The following PNLIPRP1 variants were observed in gnomAD, a reference collection of about 807,000 sequenced individuals.
PNLIPRP1 encodes the protein pancreatic lipase related protein 1, also known as inactive pancreatic lipase-related protein 1.
Under a neutral mutation model 54.6 loss-of-function variants are expected in PNLIPRP1, and 57 were observed. The ratio of observed to expected loss-of-function variants is 1.04; its 90% CI spans 0.84 to 1.30. The LOEUF is 1.30. Ranked by LOEUF, PNLIPRP1 falls within the 50% of genes most tolerant of loss-of-function variation. PNLIPRP1 has a pLI of 0.00. For missense variants in PNLIPRP1, 567 were observed against 568.5 expected (o/e 1.00, Z 0.03); for synonymous variants, 232 against 208.8 (o/e 1.11, Z -0.96).
intron 9 of PNLIPRP1, among the ~76,000 whole-genome samples, chr10:116,600,753 C>CT (rs1471726800): frequency 6.6e-6 from 1 of 152,200 alleles, no homozygotes; most frequent in Non-Finnish European, 1.5e-5. Context: ...ATGGTAAGCA[C>CT]TGCAATCCAG....
chr10:116,598,179 T>A lies in PNLIPRP1; in HGVS notation c.814+13T>A. 1 of 1,611,404 alleles carries A rather than the reference T, an allele frequency of 6.2e-7. No homozygotes were observed. On this transcript the variant is annotated intron_variant, in intron 8 of 12. Coordinates refer to ENST00000358834, the MANE Select transcript of PNLIPRP1 (RefSeq NM_006229.4). The stretch of plus-strand genomic sequence containing the variant: ...GGCATCTGGGCGGGTAAAGTCATGG[T>A]GGGGTGAGGGGAGCAGGGCGGGTAC...
Position 116,604,051 on chromosome 10 carries a change from T to A in PNLIPRP1, c.1085T>A (p.Ile362Asn), listed in dbSNP as rs1847894308. The change falls in exon 11 of 13, where the codon ATC becomes AAC. Residue 362 changes from isoleucine to asparagine, a missense_variant. Coordinates refer to ENST00000358834, the MANE Select transcript of PNLIPRP1 (RefSeq NM_006229.4). ...NFARWRYGVS[I>N]TLSGRTATGQ... is the part of the protein sequence containing the mutation. ...GCAGGCTGGAGATATGGGGTTTCCA[T>A]CACACTGTCTGGAAGAACAGCCACT... 6.2e-7 allele frequency: 1 copy of A among 1,613,128 alleles called. No individual in the cohort carries two copies. Among genetic ancestry groups the A allele is most frequent in the Non-Finnish European group, 8.5e-7 (1 of 1,179,224 alleles).
chr10:116,607,772 C>T lies in PNLIPRP1; in HGVS notation c.1341-1281C>T, dbSNP rs143238197. Among the ~76,000 whole-genome samples, 866 of 152,288 alleles carry T rather than the reference C, an allele frequency of 5.7e-3. 11 individuals are homozygous for T. Among genetic ancestry groups the T allele is most frequent in the African/African-American group, 0.019 (783 of 41,566 alleles). Reference sequence around the variant, plus strand: ...GAACAACCACAAAAATAACTGCTTACATCTGCATTGTTTTTTGTTAATTGT... The same window carrying T: ...GAACAACCACAAAAATAACTGCTTATATCTGCATTGTTTTTTGTTAATTGT... On this transcript the variant is annotated intron_variant, in intron 12 of 12. Transcript: ENST00000358834.
intron 8 of PNLIPRP1, 129 bp downstream of exon 8, chr10:116,598,295 T>A: frequency 1.1e-6 from 1 of 943,230 alleles, no homozygotes; most frequent in Non-Finnish European, 1.5e-6. Context: ...CTTCTGGGGA[T>A]TATTTCAGAA....
At chr10:116,595,021 C>T in intron 5 of PNLIPRP1, 157 bp downstream of exon 5, 1 of 802,552 alleles carries the variant, frequency 1.2e-6, no homozygotes, top group South Asian at 2.1e-5. Flanking sequence ...TAATGACACG[C>T]CAGTGGAAGC....
In PNLIPRP1 at chr10:116,594,760, A is replaced by C. The variant is rs1847704523; in HGVS notation, c.361A>C (p.Ile121Leu). The C allele has an allele frequency of 6.2e-7, 1 of 1,614,170 alleles. No individual in the cohort carries two copies. The highest frequency in any genetic ancestry group is 1.1e-5 in the South Asian group (1 of 91,080). ...KLFEVEEVNC[I>L]CVDWKKGSQA... ...GTTCGAGGTGGAGGAGGTGAACTGC[A>C]TCTGCGTGGACTGGAAGAAGGGCTC... Residue 121 changes from isoleucine (I) to leucine (L), a missense_variant, in exon 5 of 13, where the codon ATC becomes CTC. Coordinates refer to ENST00000358834, the MANE Select transcript of PNLIPRP1 (RefSeq NM_006229.4).
At position 116,605,438 on chromosome 10, in the gene PNLIPRP1, G is replaced by A; in HGVS notation, c.1225G>A (p.Asp409Asn). ...THSYEFDAKL[D>N]VGTIEKVKFL... ...TTCCTATGAGTTTGATGCAAAGCTG[G>A]ATGTTGGAACAATTGAGAAAGTCAA... Residue 409 changes from aspartate to asparagine, a missense_variant, in exon 12 of 13, where the codon GAT becomes AAT. By Grantham distance (23) the Asp-to-Asn change is conservative (BLOSUM62 1). Coordinates refer to ENST00000358834, the MANE Select transcript of PNLIPRP1 (RefSeq NM_006229.4). 6.2e-7 allele frequency: 1 copy of A among 1,611,652 alleles called. No homozygotes were observed. The highest frequency in any genetic ancestry group is 1.7e-5 in the Admixed American group (1 of 60,002).
At chr10:116,600,308 A>G in intron 9 of PNLIPRP1, 143 bp downstream of exon 9, 1 of 597,850 alleles carries the variant, frequency 1.7e-6, no homozygotes, top group Non-Finnish European at 3.0e-6. Flanking sequence ...TGGAAGAGAA[A>G]AAAAAGTAAA....
intron 11 of PNLIPRP1, among the ~76,000 whole-genome samples, chr10:116,604,989 G>A (rs1484064958): frequency 3.3e-5 from 5 of 151,832 alleles, no homozygotes; most frequent in South Asian, 4.2e-4. Flanking sequence ...CACCATGCCC[G>A]GCCTCTTTCT....
At chr10:116,597,999 T>C (rs201310474) in intron 7 of PNLIPRP1, 48 bp from the exon 8 acceptor site, 1 of 1,614,104 alleles carries the variant, frequency 6.2e-7, no homozygotes, top group Admixed American at 1.7e-5. Context: ...GTTTTAACCA[T>C]GAAAGTCCTG....
chr10:116,606,737 G>C (rs1847942444), intron 12 of PNLIPRP1, among the ~76,000 whole-genome samples: 1 of 152,280 alleles, frequency 6.6e-6, no homozygotes, highest in African/African-American at 2.4e-5. Context: ...AAAGGCTGAG[G>C]CTTTCTGAAC....
In PNLIPRP1 at chr10:116,596,307, C is replaced by T; in HGVS notation, c.559C>T (p.Leu187=). ...AGEAGSKTPG[L]SRITGLDPVE... ...AGAGGCAGGAAGCAAGACTCCAGGC[C>T]TGAGCAGGATTACAGGTAAGGCCCC... The change falls in exon 6 of 13, where the codon CTG becomes TTG. Residue 187 remains leucine (L), a synonymous_variant. Coordinates refer to ENST00000358834, the MANE Select transcript of PNLIPRP1 (RefSeq NM_006229.4). 9.3e-6 allele frequency: 15 copies of T among 1,610,828 alleles called. No individual in the cohort carries two copies. Among genetic ancestry groups the T allele is most frequent in the Non-Finnish European group, 1.2e-5 (14 of 1,177,032 alleles).
At chr10:116,607,286 A>G (rs1554865692) in intron 12 of PNLIPRP1, among the ~76,000 whole-genome samples, 2 of 151,690 alleles carry the variant, frequency 1.3e-5, no homozygotes, top group Non-Finnish European at 2.9e-5. Flanking sequence ...TTCAGTACCT[A>G]TTGTATGGCC....
At chr10:116,591,670 G>T (rs7904117) in intron 2 of PNLIPRP1, 101 bp from the exon 3 acceptor site, 95,406 of 1,229,958 alleles carry the variant, frequency 0.078, 4,228 homozygotes, top group African/African-American at 0.16. Context: ...ATTGTCTTCA[G>T]ACTGTCCCTG....
intron 10 of PNLIPRP1, among the ~76,000 whole-genome samples, chr10:116,603,658 G>A (rs572027199): frequency 2.5e-4 from 38 of 152,222 alleles, no homozygotes; most frequent in African/African-American, 7.5e-4. Flanking sequence ...TTTGGGAGGC[G>A]GACACGGGCG....
At chr10:116,607,204 C>T (rs1847949977) in intron 12 of PNLIPRP1, among the ~76,000 whole-genome samples, 1 of 151,600 alleles carries the variant, frequency 6.6e-6, no homozygotes, top group African/African-American at 2.4e-5. Flanking sequence ...GGCAGCCCTC[C>T]CCCTCTTTAT....
chr10:116,592,169 G>A, intron 3 of PNLIPRP1: 1 of 629,654 alleles, frequency 1.6e-6, no homozygotes, highest in Non-Finnish European at 2.7e-6. Context: ...GGGGCAAACA[G>A]CTTACTGTCT....
At chr10:116,594,916 C>G (rs1564736070) in intron 5 of PNLIPRP1, 52 bp downstream of exon 5, 2 of 1,599,794 alleles carry the variant, frequency 1.3e-6, no homozygotes, top group Middle Eastern at 3.4e-4. Context: ...CTGCTGGTCT[C>G]TGTTTGGTAG....
At chr10:116,602,803 GTA>G (rs1309636574) in intron 10 of PNLIPRP1, among the ~76,000 whole-genome samples, 1 of 152,214 alleles carries the variant, frequency 6.6e-6, no homozygotes, top group East Asian at 1.9e-4. Context: ...ATATACGTAT[GTA>G]TATGAGTCTG....
Sources: allele counts gnomAD v4.1 joint callset (sites outside exome capture counted in the v4.1 genomes callset), GRCh38; gene constraint gnomAD v4.1.1; transcripts MANE v1.5; gene names NCBI Gene and HGNC (gene_info 2026-07-23, HGNC 2026-07-21).